The following USP10 variants were observed in gnomAD, a reference collection of about 807,000 sequenced individuals.
USP10 encodes ubiquitin specific peptidase 10.
A neutral mutation model predicts 84.5 loss-of-function variants in USP10; 22 were observed. The observed-to-expected ratio is 0.26, with a 90% confidence interval of 0.19 to 0.37. USP10 has a LOEUF of 0.37. Among genes scored for constraint, USP10 ranks in the 10% least tolerant of loss-of-function variants. The pLI, the probability that USP10 is intolerant of heterozygous loss-of-function variation, is 1.00. For synonymous variants in USP10, 454 were observed against 387.6 expected (o/e 1.17, Z -2.01); for missense variants, 1,019 against 998.9 (o/e 1.02, Z -0.27).
rs757000259 is a variant in USP10 at position 84,745,215 on chromosome 16, G to A, written c.734G>A (p.Gly245Asp). 2 of 1,613,160 alleles carry A rather than the reference G, an allele frequency of 1.2e-6. No individual in the cohort carries two copies. The highest frequency in any genetic ancestry group is 1.3e-5 in the African/African-American group (1 of 75,038). The change falls in exon 4 of 14, where the codon GGC (glycine) becomes GAC (aspartate). Residue 245 changes from glycine to aspartate, a missense_variant. This residue lies in a region of USP10 where 787 missense variants were observed against 708.8 expected (regional missense o/e 1.11). Transcript: ENST00000219473. ...DTRTAGQPEG[G>D]PGADFGQSCF... is the part of the protein sequence containing the mutation. ...AGGACTGCAGGGCAGCCAGAGGGGG[G>A]CCCCGGGGCTGATTTTGGTCAGTCC...
chr16:84,724,316 GA>G (rs1280876295), intron 1 of USP10, among the ~76,000 whole-genome samples: 2 of 152,124 alleles, frequency 1.3e-5, no homozygotes, highest in African/African-American at 4.8e-5. Context: ...TAAAATTTCT[GA>G]AGGAAATTTT....
intron 4 of USP10, among the ~76,000 whole-genome samples, chr16:84,746,032 T>C (rs1911185961): frequency 1.3e-5 from 2 of 152,208 alleles, no homozygotes; most frequent in Admixed American, 6.5e-5. Flanking sequence ...TGATTTGTAC[T>C]CACTGTGTGC....
chr16:84,705,667 C>T (rs930816610), intron 1 of USP10, among the ~76,000 whole-genome samples: 7 of 149,430 alleles, frequency 4.7e-5, no homozygotes, highest in African/African-American at 1.7e-4. Context: ...AGATGTGCTC[C>T]TTTCCATTTG....
At chr16:84,747,592 T>G (rs1911389519) in intron 4 of USP10, among the ~76,000 whole-genome samples, 1 of 125,724 alleles carries the variant, frequency 8.0e-6, no homozygotes, top group Admixed American at 9.4e-5. Flanking sequence ...AGATGCAGTC[T>G]CACTCTGTTG....
intron 3 of USP10, 54 bp from the exon 4 acceptor site, chr16:84,744,579 G>T: frequency 1.4e-6 from 2 of 1,452,820 alleles, no homozygotes; most frequent in East Asian, 2.4e-5. Flanking sequence ...GTAATTACTG[G>T]TACTTAGAGT....
chr16:84,767,727 T>A (rs1162755832), intron 10 of USP10, among the ~76,000 whole-genome samples: 2 of 152,372 alleles, frequency 1.3e-5, no homozygotes, highest in African/African-American at 4.8e-5. Flanking sequence ...AACTGGTAGA[T>A]TTAGTTGTTA....
chr16:84,771,174 G>A (rs1300658044), intron 11 of USP10, among the ~76,000 whole-genome samples: 1 of 152,168 alleles, frequency 6.6e-6, no homozygotes, highest in Non-Finnish European at 1.5e-5. Flanking sequence ...AAAAAACCTG[G>A]CTTTATTTAA....
Position 84,745,033 on chromosome 16 carries a change from A to G in USP10, c.552A>G (p.Ala184=). Residue 184 remains alanine (A), a synonymous_variant, in exon 4 of 14, where the codon GCA becomes GCG. Transcript: ENST00000219473. ...EALVNGHANS[A]VPNSVSAEDA... ...TGGTCAATGGCCATGCCAATTCAGC[A>G]GTCCCGAACAGTGTCAGTGCAGAGG... 6.2e-7 allele frequency: 1 copy of G among 1,613,858 alleles called. No homozygotes were observed.
chr16:84,735,196 GGTGTGTGT>G (rs34240400), intron 2 of USP10, among the ~76,000 whole-genome samples: 204 of 146,374 alleles, frequency 1.4e-3, no homozygotes, highest in Middle Eastern at 7.0e-3. Context: ...AGGCCCGGGT[GGTGTGTGT>G]GTGTGTGTGT....
chr16:84,778,256 C>T (rs1475540407), intron 13 of USP10, among the ~76,000 whole-genome samples: 1 of 152,132 alleles, frequency 6.6e-6, no homozygotes, highest in Admixed American at 6.5e-5. Flanking sequence ...TCCCTCCTGC[C>T]ATGTGGGCCG....
At chr16:84,729,746 G>T (rs902250518) in intron 1 of USP10, among the ~76,000 whole-genome samples, 1 of 152,184 alleles carries the variant, frequency 6.6e-6, no homozygotes, top group African/African-American at 2.4e-5. Context: ...TGTGATTCAC[G>T]TGTATTTTGA....
At chr16:84,713,991 G>T (rs1024062476) in intron 1 of USP10, among the ~76,000 whole-genome samples, 4 of 152,234 alleles carry the variant, frequency 2.6e-5, no homozygotes, top group Admixed American at 2.6e-4. Context: ...TGTAGGCTCT[G>T]CTAGAGCCTT....
At chr16:84,725,456 A>C (rs1403133263) in intron 1 of USP10, among the ~76,000 whole-genome samples, 1 of 151,790 alleles carries the variant, frequency 6.6e-6, no homozygotes, top group Non-Finnish European at 1.5e-5. Context: ...CTGGAGTGCA[A>C]ATGGCACGAT....
chr16:84,714,766 T>C (rs932325294), intron 1 of USP10, among the ~76,000 whole-genome samples: 4 of 151,936 alleles, frequency 2.6e-5, no homozygotes, highest in Admixed American at 6.6e-5. Context: ...TTGATTATTT[T>C]TGGGGTGAAG....
At chr16:84,717,248 T>C (rs1269665940) in intron 1 of USP10, among the ~76,000 whole-genome samples, 1 of 151,972 alleles carries the variant, frequency 6.6e-6, no homozygotes, top group Non-Finnish European at 1.5e-5. Context: ...ACATGCATTC[T>C]TTAGGGGGTG....
chr16:84,752,053 A>G (rs772645905), intron 4 of USP10, among the ~76,000 whole-genome samples: 2 of 152,136 alleles, frequency 1.3e-5, no homozygotes, highest in Non-Finnish European at 2.9e-5. Context: ...CTATTAAGCA[A>G]CTCCATTTTT....
intron 13 of USP10, among the ~76,000 whole-genome samples, chr16:84,777,183 CAGG>C (rs1378592809): frequency 6.6e-6 from 1 of 152,174 alleles, no homozygotes; most frequent in Non-Finnish European, 1.5e-5. Flanking sequence ...GCGCTCCTGT[CAGG>C]GGGGCTTGCA....
At chr16:84,726,070 A>G (rs1192826721) in intron 1 of USP10, among the ~76,000 whole-genome samples, 4 of 152,384 alleles carry the variant, frequency 2.6e-5, no homozygotes, top group Middle Eastern at 3.4e-3. Flanking sequence ...ATGCAGCAGC[A>G]AAGTATTTAC....
At chr16:84,759,496 G>C (rs1336709429) in intron 6 of USP10, 24 bp downstream of exon 6, 1 of 1,600,588 alleles carries the variant, frequency 6.2e-7, no homozygotes, top group Admixed American at 1.7e-5. Flanking sequence ...TGAAAGATGT[G>C]TTAAGTGGTG....
Sources: allele counts gnomAD v4.1 joint callset (sites outside exome capture counted in the v4.1 genomes callset), GRCh38; gene constraint gnomAD v4.1.1; regional missense constraint gnomAD v4.1.1; transcripts MANE v1.5; gene names NCBI Gene and HGNC (gene_info 2026-07-23, HGNC 2026-07-21).